Variants in RSRC1 observed in about 807,000 individuals in gnomAD.
The protein encoded by RSRC1 is arginine and serine rich coiled-coil 1, also known as serine/Arginine-related protein 53.
A neutral mutation model predicts 49.1 loss-of-function variants in RSRC1; 39 were observed. That is an observed-to-expected ratio of 0.79 (90% CI 0.61 to 1.04). RSRC1 has a LOEUF of 1.04. RSRC1 is among the 50% of genes least tolerant of loss of function. RSRC1 has a pLI of 0.00. For synonymous variants in RSRC1, 143 were observed against 130.8 expected (o/e 1.09, Z -0.63); for missense variants, 388 against 402.4 (o/e 0.96, Z 0.31).
intron 7 of RSRC1, among the ~76,000 whole-genome samples, chr3:158,521,233 C>T (rs1711655259): frequency 6.6e-6 from 1 of 151,998 alleles, no homozygotes; most frequent in African/African-American, 2.4e-5. Context: ...AGAGATTATG[C>T]CCTAGAGCCA....
chr3:158,441,327 C>T (rs1248669095), intron 6 of RSRC1, among the ~76,000 whole-genome samples: 4 of 151,990 alleles, frequency 2.6e-5, no homozygotes, highest in Non-Finnish European at 5.9e-5. Flanking sequence ...TCTACTAAAA[C>T]GTTTTGAAGA....
intron 3 of RSRC1, among the ~76,000 whole-genome samples, chr3:158,151,833 A>G (rs1159938347): frequency 6.6e-6 from 1 of 152,190 alleles, no homozygotes; most frequent in East Asian, 1.9e-4. Context: ...TGCTCAATGA[A>G]TGAATGTTAA....
chr3:158,393,519 G>A (rs1340614741), intron 6 of RSRC1, among the ~76,000 whole-genome samples: 2 of 151,686 alleles, frequency 1.3e-5, no homozygotes, highest in Admixed American at 6.6e-5. Flanking sequence ...AAATCCCTCC[G>A]AGACTACTAC....
intron 7 of RSRC1, among the ~76,000 whole-genome samples, chr3:158,461,974 CA>C (rs1160815009): frequency 2.8e-5 from 4 of 142,372 alleles, no homozygotes; most frequent in Admixed American, 2.2e-4. Context: ...TAAAACCCAT[CA>C]GAGCCATCCT....
In RSRC1 at chr3:158,487,256, C is replaced by A. The variant is rs549276663; in HGVS notation, c.652+26253C>A. 5.3e-5 allele frequency among the ~76,000 whole-genome samples: 8 copies of A among 151,124 alleles called. No homozygotes were observed. The East Asian group carries it at 1.6e-3, about 29-fold the overall frequency. On this transcript the variant is annotated intron_variant, in intron 7 of 9. Coordinates refer to ENST00000611884, the MANE Select transcript of RSRC1 (RefSeq NM_001271838.2). ...TCATGTACCTATATTGAATCACATT[C>A]TTTTTTAACCAGTAACTGATTTAAA...
At chr3:158,385,406 G>A (rs1229238229) in intron 6 of RSRC1, among the ~76,000 whole-genome samples, 1 of 152,136 alleles carries the variant, frequency 6.6e-6, no homozygotes, top group Non-Finnish European at 1.5e-5. Context: ...AAAGTGCACT[G>A]GAAACACAGG....
At chr3:158,228,791 A>ATG (rs1722668921) in intron 4 of RSRC1, among the ~76,000 whole-genome samples, 1 of 151,684 alleles carries the variant, frequency 6.6e-6, no homozygotes, top group Non-Finnish European at 1.5e-5. Context: ...GTGTGTATAT[A>ATG]TATGTGTGTA....
intron 6 of RSRC1, among the ~76,000 whole-genome samples, chr3:158,457,749 T>TTTTC (rs1553809981): frequency 6.7e-6 from 1 of 148,876 alleles, no homozygotes; most frequent in Non-Finnish European, 1.5e-5. Flanking sequence ...TGTTTTTTTT[T>TTTTC]TTTGTTTGTT....
chr3:158,167,250 G>A (rs891242349), intron 3 of RSRC1, among the ~76,000 whole-genome samples: 9 of 151,958 alleles, frequency 5.9e-5, no homozygotes, highest in Non-Finnish European at 1.2e-4. Flanking sequence ...GCAGTAGTAC[G>A]ATCTCGGCTC....
intron 7 of RSRC1, among the ~76,000 whole-genome samples, chr3:158,527,948 AT>A (rs1220294557): frequency 3.0e-4 from 46 of 151,986 alleles, no homozygotes; most frequent in African/African-American, 9.9e-4. Context: ...AATTTGTGAG[AT>A]TTTTTATATT....
intron 6 of RSRC1, among the ~76,000 whole-genome samples, chr3:158,375,472 C>G (rs1732312302): frequency 6.6e-6 from 1 of 151,732 alleles, no homozygotes. Context: ...AAATTACAGG[C>G]TCAAATTATT....
At chr3:158,135,013 G>A (rs1716278659) in intron 3 of RSRC1, among the ~76,000 whole-genome samples, 1 of 151,994 alleles carries the variant, frequency 6.6e-6, no homozygotes, top group South Asian at 2.1e-4. Flanking sequence ...TTTTTTTCTA[G>A]CTTTTTATAA....
At position 158,460,953 on chromosome 3, in the gene RSRC1, T is replaced by C; in HGVS notation, c.602T>C (p.Leu201Ser). ...GTTTCAGCAAAAGCTGATGAAGCAT[T>C]GAAAGCCAAAGAAAGAAATGAGGAA... ...LEAAAKADEA[L>S]KAKERNEEEA... Residue 201 changes from leucine (L) to serine (S), a missense_variant, in exon 7 of 10, where the codon TTG becomes TCG. By Grantham distance (145) the Leu-to-Ser change is moderately radical (BLOSUM62 -2). Transcript: ENST00000611884. 6.3e-7 allele frequency: 1 copy of C among 1,597,766 alleles called. No homozygotes were observed. Among genetic ancestry groups the C allele is most frequent in the Non-Finnish European group, 8.5e-7 (1 of 1,170,304 alleles).
chr3:158,533,857 T>C (rs936494774), intron 7 of RSRC1, among the ~76,000 whole-genome samples: 2 of 151,644 alleles, frequency 1.3e-5, no homozygotes, highest in African/African-American at 2.4e-5. Context: ...ATGTAATTAA[T>C]AAAAAATTTA....
chr3:158,505,685 T>C (rs959302246), intron 7 of RSRC1, among the ~76,000 whole-genome samples: 2 of 151,774 alleles, frequency 1.3e-5, no homozygotes, highest in South Asian at 2.1e-4. Context: ...TAGAAGTTCA[T>C]AGAAGGTTTC....
chr3:158,328,923 G>A (rs1310211254), intron 5 of RSRC1, among the ~76,000 whole-genome samples: 1 of 152,108 alleles, frequency 6.6e-6, no homozygotes, highest in African/African-American at 2.4e-5. Context: ...TTTCTTGGAG[G>A]CTTTGTTCAT....
chr3:158,391,502 T>A (rs1733290657), intron 6 of RSRC1, among the ~76,000 whole-genome samples: 1 of 152,178 alleles, frequency 6.6e-6, no homozygotes, highest in Non-Finnish European at 1.5e-5. Context: ...GTATACCAAA[T>A]GTGTAAAAAC....
At chr3:158,543,971 G>C (rs1560081757) in intron 9 of RSRC1, among the ~76,000 whole-genome samples, 1 of 152,122 alleles carries the variant, frequency 6.6e-6, no homozygotes, top group Non-Finnish European at 1.5e-5. Flanking sequence ...GTTAAGCAAT[G>C]ATGTTGATAC....
chr3:158,217,765 T>TGG (rs3052855), intron 4 of RSRC1, among the ~76,000 whole-genome samples: 69,343 of 139,902 alleles, frequency 0.5, 17,652 homozygotes, highest in East Asian at 0.66. Flanking sequence ...TGTGTGTGTG[T>TGG]GGGGGGGGAA....
Sources: gnomAD v4.1 joint callset for allele counts (sites outside exome capture counted in the v4.1 genomes callset) on GRCh38, gnomAD v4.1.1 for gene constraint, MANE v1.5 for transcripts, NCBI Gene and HGNC (gene_info 2026-07-23, HGNC 2026-07-21) for gene names.